The following CISH variants were observed in gnomAD, a reference collection of about 807,000 sequenced individuals.
The protein encoded by CISH is cytokine inducible SH2 containing protein.
In CISH, 11 loss-of-function variants were observed where a neutral mutation model predicts 21.3. That is an observed-to-expected ratio of 0.52 (90% CI 0.32 to 0.85). The LOEUF (loss-of-function observed/expected upper bound fraction) is 0.85, where lower values mean the gene tolerates loss of function less well. CISH is among the 40% of genes least tolerant of loss of function. CISH has a pLI of 0.03. For missense variants in CISH, 280 were observed against 351.7 expected, an observed-to-expected ratio of 0.80 and a Z score of 1.63; for synonymous variants, 118 against 142.3, an observed-to-expected ratio of 0.83 and a Z score of 1.22.
Position 50,606,806 on chromosome 3 carries a change from AG to A in CISH, c.*800del, listed in dbSNP as rs2032165670. ...TATGCAGATACAGCTCTGTCCTGTG[AG>A]GGGGTGAGACACAGGCTCTGCTGGG... On this transcript the variant is annotated 3_prime_UTR_variant, in exon 3 of 3. Coordinates refer to ENST00000348721, the MANE Select transcript of CISH (RefSeq NM_145071.4). 2 of 152,244 alleles carry A rather than the reference AG, an allele frequency of 1.3e-5. No individual in the cohort carries two copies. Among genetic ancestry groups the A allele is most frequent in the Non-Finnish European group, 2.9e-5 (2 of 68,098 alleles). 9.4% of individuals were successfully genotyped at this position (152,244 alleles called of 1,614,324 possible). A position where few individuals can be genotyped will look rare whatever the true frequency, so the allele number is the denominator to read the frequency against.
intron 1 of CISH, chr3:50,611,096 C>T (rs2032309726): frequency 1.0e-6 from 1 of 987,470 alleles, no homozygotes; most frequent in Non-Finnish European, 1.2e-6. Flanking sequence ...CCAGGCCAAA[C>T]CCAGGGCCTC....
chr3:50,611,591 C>T lies in CISH; in HGVS notation c.20+40G>A, dbSNP rs1327963423. On this transcript the variant is annotated intron_variant, in intron 1 of 2. Transcript: ENST00000348721. ...CGAAGCCCCTGTTCTCCCGTGCGCC[C>T]CTCGTGGTGGCCGGGAAGGGGGCAG... 1.2e-5 allele frequency: 19 copies of T among 1,522,944 alleles called. No homozygotes were observed. The South Asian group carries it at 2.2e-4, about 18-fold the overall frequency. The allele number at this position is 1,522,944 out of a possible 1,614,324, so 94.3% of individuals were successfully genotyped here.
At chr3:50,610,299 C>T (rs2032283348) in intron 1 of CISH, 11 of 1,510,510 alleles carry the variant, frequency 7.3e-6, no homozygotes, top group Non-Finnish European at 9.9e-6. Flanking sequence ...GGTGTGGGCA[C>T]CTTTGGGGCT....
intron 1 of CISH, chr3:50,611,050 G>T: frequency 1.0e-6 from 1 of 990,570 alleles, no homozygotes; most frequent in Non-Finnish European, 1.2e-6. Context: ...GCTGAGACAG[G>T]GTTGTGAGAC....
At chr3:50,610,652 C>A in intron 1 of CISH, 1 of 1,421,536 alleles carries the variant, frequency 7.0e-7, no homozygotes, top group Non-Finnish European at 9.2e-7. Flanking sequence ...AAGGAACTTG[C>A]TGGAGACAGC....
Position 50,610,520 on chromosome 3 carries a change from G to C in CISH, c.20+1111C>G. 1.9e-6 allele frequency: 3 copies of C among 1,547,892 alleles called. No individual in the cohort carries two copies. In the African/African-American group the frequency reaches 4.1e-5, roughly 21 times the overall value. On this transcript the variant is annotated intron_variant, in intron 1 of 2. Transcript: ENST00000348721. Reference sequence around the variant, plus strand: ...CAACAGTAGCCCTGAGCTTACAAGGGGGTGCTCACCTAGGGTAAAAAGTGA... The same window carrying C: ...CAACAGTAGCCCTGAGCTTACAAGGCGGTGCTCACCTAGGGTAAAAAGTGA...
rs2032185935 is a variant in CISH, at chr3:50,607,431, G to A, written c.*176C>T. 2 of 651,204 alleles carry A rather than the reference G, an allele frequency of 3.1e-6. No homozygotes were observed. The highest frequency in any genetic ancestry group is 2.0e-5 in the South Asian group (1 of 51,042). The allele number at this position is 651,204 out of a possible 1,614,324, so 40.3% of individuals were successfully genotyped here. Reference sequence around the variant, plus strand: ...GCCTGGGGGCATTTACCTCCAAGTTGTGTGACACCTCCCCTCTCCCATGCC... The same window carrying A: ...GCCTGGGGGCATTTACCTCCAAGTTATGTGACACCTCCCCTCTCCCATGCC... On this transcript the variant is annotated 3_prime_UTR_variant, in exon 3 of 3. Coordinates refer to ENST00000348721, the MANE Select transcript of CISH (RefSeq NM_145071.4).
intron 1 of CISH, chr3:50,610,032 AC>A: frequency 3.0e-6 from 1 of 331,332 alleles, no homozygotes; most frequent in Non-Finnish European, 5.8e-6. Flanking sequence ...TGGCCCTATG[AC>A]CACTCACAGT....
In CISH at chr3:50,607,920, T is replaced by C. The variant is rs760168237; in HGVS notation, c.464A>G (p.Asp155Gly). The change falls in exon 3 of 3, where the codon GAT becomes GGT. Residue 155 changes from aspartate to glycine, a missense_variant. By Grantham distance (94) the Asp-to-Gly change is moderately conservative. Coordinates refer to ENST00000348721, the MANE Select transcript of CISH (RefSeq NM_145071.4). ...ATAGTGCTGCACAAGGCTGACCACA[T>C]CCGGAAAGGCCAGGATGCGTGGCCT... ...LSRPRILAFP[D>G]VVSLVQHYVA... The C allele has an allele frequency of 6.8e-6, 11 of 1,613,656 alleles. No individual in the cohort carries two copies. Among genetic ancestry groups the C allele is most frequent in the Non-Finnish European group, 8.5e-6 (10 of 1,180,014 alleles).
chr3:50,611,426 A>G (rs532080749), intron 1 of CISH: 15 of 1,363,416 alleles, frequency 1.1e-5, no homozygotes, highest in African/African-American at 1.1e-4. Flanking sequence ...CGGTTTCCCA[A>G]TCCACAGTGG....
At chr3:50,610,290 G>T in intron 1 of CISH, 1 of 1,439,350 alleles carries the variant, frequency 6.9e-7, no homozygotes, top group South Asian at 1.2e-5. Flanking sequence ...CCACATGTAG[G>T]TGTGGGCACC....
At chr3:50,608,278 G>T in intron 2 of CISH, 95 bp downstream of exon 2, 1 of 1,453,528 alleles carries the variant, frequency 6.9e-7, no homozygotes, top group Non-Finnish European at 9.3e-7. Flanking sequence ...ACTCTCCTGG[G>T]CCGGGCTATG....
intron 1 of CISH, chr3:50,610,628 A>G: frequency 6.9e-7 from 1 of 1,441,670 alleles, no homozygotes; most frequent in Non-Finnish European, 9.1e-7. Context: ...GAGTCCCAGA[A>G]TGCAGACAGG....
At chr3:50,608,698 T>C (rs2032237589) in intron 1 of CISH, 105 bp from the exon 2 acceptor site, 1 of 763,562 alleles carries the variant, frequency 1.3e-6, no homozygotes, top group Non-Finnish European at 1.9e-6. Flanking sequence ...CTGGCCCATC[T>C]CACTATGAGC....
At position 50,607,234 on chromosome 3, in the gene CISH, G is replaced by C. The variant is rs2107557638; in HGVS notation, c.*373C>G. 4.1e-6 allele frequency: 1 copy of C among 244,122 alleles called. No homozygotes were observed. The highest frequency in any genetic ancestry group is 8.0e-6 in the Non-Finnish European group (1 of 124,250). 15.1% of individuals were successfully genotyped at this position (244,122 alleles called of 1,614,324 possible). A position where few individuals can be genotyped will look rare whatever the true frequency, so the allele number is the denominator to read the frequency against. ...AGAAACAGAGGCTGGCTGCCAGTAG[G>C]GGTCCTACCCGACCCTGGGGATTGA... On this transcript the variant is annotated 3_prime_UTR_variant, in exon 3 of 3. Transcript: ENST00000348721.
intron 1 of CISH, chr3:50,610,564 G>A (rs560353467): frequency 1.0e-4 from 157 of 1,506,582 alleles, no homozygotes; most frequent in Middle Eastern, 4.4e-4. Flanking sequence ...ATGGGACCCC[G>A]GAATGCAGGG....
Position 50,607,276 on chromosome 3 carries a change from G to A in CISH, c.*331C>T. On this transcript the variant is annotated 3_prime_UTR_variant, in exon 3 of 3. Coordinates refer to ENST00000348721, the MANE Select transcript of CISH (RefSeq NM_145071.4). The stretch of plus-strand genomic sequence containing the variant: ...GGGGATTGAAAAACCAGGGCTGAGA[G>A]TGCCCATACAGTTCAGGTGGCCAGG... The A allele has an allele frequency of 3.1e-6, 1 of 325,288 alleles. No homozygotes were observed. The highest frequency in any genetic ancestry group is 5.8e-6 in the Non-Finnish European group (1 of 172,352). The allele number at this position is 325,288 out of a possible 1,614,324, so 20.2% of individuals were successfully genotyped here. A position where few individuals can be genotyped will look rare whatever the true frequency, so the allele number is the denominator to read the frequency against.
At chr3:50,608,757 G>A (rs766373905) in intron 1 of CISH, 164 bp from the exon 2 acceptor site, 137 of 443,720 alleles carry the variant, frequency 3.1e-4, no homozygotes, top group Non-Finnish European at 4.8e-4. Context: ...CCAGTATCTC[G>A]TTCCCCACTT....
intron 1 of CISH, chr3:50,611,330 G>C: frequency 1.5e-6 from 2 of 1,323,926 alleles, no homozygotes; most frequent in Non-Finnish European, 1.9e-6. Flanking sequence ...CATCTTGGGG[G>C]ACGCCGTGCC....
Sources: allele counts gnomAD v4.1 joint callset, GRCh38; gene constraint gnomAD v4.1.1; transcripts MANE v1.5; gene names NCBI Gene and HGNC (gene_info 2026-07-23, HGNC 2026-07-21).